Variants in FOXK2 observed in about 807,000 individuals in gnomAD.
FOXK2 encodes the protein forkhead box protein K2.
In FOXK2, 24 loss-of-function variants were observed where a neutral mutation model predicts 53.3. That is an observed-to-expected ratio of 0.45 (90% confidence interval 0.33 to 0.63). FOXK2 has a LOEUF of 0.63. Among genes scored for constraint, FOXK2 ranks in the 30% least tolerant of loss-of-function variants. The probability of loss-of-function intolerance (pLI) is 0.03; values close to 1 mark genes in which losing one functional copy is unlikely to be tolerated. For synonymous variants in FOXK2, 505 were observed against 407.1 expected, an observed-to-expected ratio of 1.24 and a Z score of -2.89; for missense variants, 952 against 910.5, an observed-to-expected ratio of 1.05 and a Z score of -0.59.
At chr17:82,556,450 A>T (rs1244638583) in intron 1 of FOXK2, among the ~76,000 whole-genome samples, 1 of 151,994 alleles carries the variant, frequency 6.6e-6, no homozygotes, top group Non-Finnish European at 1.5e-5. Flanking sequence ...TCTAAAAAAA[A>T]AAAAAGCAAG....
At chr17:82,563,769 T>TTGGAAG (rs2044823984) in intron 2 of FOXK2, among the ~76,000 whole-genome samples, 1 of 150,096 alleles carries the variant, frequency 6.7e-6, no homozygotes, top group Non-Finnish European at 1.5e-5. Context: ...TTTTTTTTTT[T>TTGGAAG]GAGAAGGAGT....
chr17:82,596,159 T>C, intron 8 of FOXK2: 1 of 1,023,980 alleles, frequency 9.8e-7, no homozygotes, highest in South Asian at 3.4e-5. Context: ...TCTGAGGTGG[T>C]CACGGGGTTT....
At chr17:82,550,358 G>C (rs1280510678) in intron 1 of FOXK2, among the ~76,000 whole-genome samples, 1 of 152,180 alleles carries the variant, frequency 6.6e-6, no homozygotes, top group Non-Finnish European at 1.5e-5. Context: ...GGACAGTTGT[G>C]GGGGAAGAAG....
At chr17:82,537,783 G>A (rs759434780) in intron 1 of FOXK2, among the ~76,000 whole-genome samples, 3 of 151,746 alleles carry the variant, frequency 2.0e-5, no homozygotes, top group African/African-American at 4.8e-5. Flanking sequence ...TTAGCCGGGC[G>A]TGGTGGTACA....
intron 1 of FOXK2, among the ~76,000 whole-genome samples, chr17:82,533,488 T>G (rs1023251199): frequency 2.2e-5 from 3 of 139,474 alleles, no homozygotes; most frequent in Non-Finnish European, 3.1e-5. Context: ...AGACTTTGTC[T>G]CAAAAAAAAA....
intron 1 of FOXK2, among the ~76,000 whole-genome samples, chr17:82,554,422 AT>A (rs543420758): frequency 1.3e-3 from 193 of 152,264 alleles, no homozygotes; most frequent in African/African-American, 4.5e-3. Flanking sequence ...ATTTGTAATA[AT>A]TTCCATTCCC....
At chr17:82,540,279 C>CAA (rs77390515) in intron 1 of FOXK2, among the ~76,000 whole-genome samples, 72 of 133,668 alleles carry the variant, frequency 5.4e-4, no homozygotes, top group South Asian at 3.1e-3. Context: ...GAAACTGTCT[C>CAA]AAAAAAAAAA....
At position 82,602,001 on chromosome 17, in the gene FOXK2, A is replaced by T. The variant is rs376524125; in HGVS notation, c.*502A>T. On this transcript the variant is annotated 3_prime_UTR_variant, in exon 9 of 9. Transcript: ENST00000335255. ...CATTTCTACTGAGACTTTCAGAATCACACAGGCCCTTTCCGTGGATTTCAT... is the reference window on the plus strand; with the variant it reads ...CATTTCTACTGAGACTTTCAGAATCTCACAGGCCCTTTCCGTGGATTTCAT... 3 of 153,678 alleles carry T rather than the reference A, an allele frequency of 2.0e-5. No homozygotes were observed. Among genetic ancestry groups the T allele is most frequent in the African/African-American group, 4.8e-5 (2 of 41,616 alleles). 9.5% of individuals were successfully genotyped at this position (153,678 alleles called of 1,614,324 possible).
At position 82,587,310 on chromosome 17, in the gene FOXK2, G is replaced by A. The variant is rs368648438; in HGVS notation, c.1786+38G>A. The stretch of plus-strand genomic sequence containing the variant: ...GGTCGGTGGCTCCCCGTGGCTGTGG[G>A]TACTGGGAGCAGAGCCCCTTCTCAC... On this transcript the variant is annotated intron_variant, in intron 8 of 8. Coordinates refer to ENST00000335255, the MANE Select transcript of FOXK2 (RefSeq NM_004514.4). 303 of 1,514,398 alleles carry A rather than the reference G, an allele frequency of 2.0e-4. 2 individuals are homozygous for A. Among genetic ancestry groups the A allele is most frequent in the South Asian group, 4.5e-4 (40 of 89,042 alleles). 93.8% of individuals were successfully genotyped at this position (1,514,398 alleles called of 1,614,324 possible).
rs746403456 is a variant in FOXK2 at position 82,584,076 on chromosome 17, C to T, written c.1167C>T (p.Thr389=). The change falls in exon 6 of 9, where the codon ACC becomes ACT. Residue 389 remains threonine (T), a synonymous_variant. Coordinates refer to ENST00000335255, the MANE Select transcript of FOXK2 (RefSeq NM_004514.4). ...VLSAHSSGAQ[T]PESLSREGSP... ...CTGCTCACTCTAGTGGCGCCCAGAC[C>T]CCTGAGAGCCTGTCGAGGGAAGGTT... 8 of 1,611,964 alleles carry T rather than the reference C, an allele frequency of 5.0e-6. No individual in the cohort carries two copies. Among genetic ancestry groups the T allele is most frequent in the Non-Finnish European group, 8.5e-7 (1 of 1,179,924 alleles).
At chr17:82,586,776 C>T (rs981346316) in intron 7 of FOXK2, among the ~76,000 whole-genome samples, 3 of 152,102 alleles carry the variant, frequency 2.0e-5, no homozygotes, top group Admixed American at 2.0e-4. Flanking sequence ...TGGCGGGTGC[C>T]TGTAATCCCA....
chr17:82,529,778 C>G (rs555072210), intron 1 of FOXK2, among the ~76,000 whole-genome samples: 1 of 152,304 alleles, frequency 6.6e-6, no homozygotes, highest in African/African-American at 2.4e-5. Flanking sequence ...AAAGGACACT[C>G]TCGGAATGCA....
chr17:82,522,077 T>C (rs2044368813), intron 1 of FOXK2, among the ~76,000 whole-genome samples: 1 of 145,780 alleles, frequency 6.9e-6, no homozygotes, highest in South Asian at 2.2e-4. Context: ...CAAAATACTG[T>C]GTCACAACAA....
chr17:82,573,998 C>G (rs1029015851), intron 4 of FOXK2, among the ~76,000 whole-genome samples: 2 of 152,240 alleles, frequency 1.3e-5, no homozygotes, highest in Non-Finnish European at 2.9e-5. Flanking sequence ...GGACCACAGT[C>G]GTGAAGTGGC....
At chr17:82,573,057 G>T (rs536282988) in intron 4 of FOXK2, among the ~76,000 whole-genome samples, 1 of 152,210 alleles carries the variant, frequency 6.6e-6, no homozygotes, top group South Asian at 2.1e-4. Context: ...GCTGAGTGTG[G>T]TGGCTTACGC....
At chr17:82,559,494 G>T (rs1305984034) in intron 1 of FOXK2, 2 of 456,226 alleles carry the variant, frequency 4.4e-6, no homozygotes, top group African/African-American at 4.0e-5. Flanking sequence ...TGAGAGGGTG[G>T]GTGGTCCTGG....
chr17:82,556,598 G>C (rs2044727794), intron 1 of FOXK2, among the ~76,000 whole-genome samples: 1 of 152,094 alleles, frequency 6.6e-6, no homozygotes, highest in Non-Finnish European at 1.5e-5. Flanking sequence ...GGCTGGGCTT[G>C]TTCTGTGGCA....
intron 6 of FOXK2, 152 bp downstream of exon 6, chr17:82,584,340 T>G: frequency 1.3e-6 from 1 of 758,278 alleles, no homozygotes; most frequent in Non-Finnish European, 1.9e-6. Context: ...GGAAAACTAA[T>G]AGCACTGGGA....
At chr17:82,540,262 CAA>C (rs1160599707) in intron 1 of FOXK2, among the ~76,000 whole-genome samples, 3 of 145,712 alleles carry the variant, frequency 2.1e-5, no homozygotes, top group East Asian at 3.9e-4. Flanking sequence ...GCCTGGGCAA[CAA>C]GAGCGAAACT....
Sources: allele counts gnomAD v4.1 joint callset (sites outside exome capture counted in the v4.1 genomes callset), GRCh38; gene constraint gnomAD v4.1.1; transcripts MANE v1.5; gene names NCBI Gene and HGNC (gene_info 2026-07-23, HGNC 2026-07-21).